KNTC1: variants seen among roughly 807,000 people sequenced by gnomAD.
The protein encoded by KNTC1 is kinetochore-associated protein 1.
KNTC1 carries 253 observed loss-of-function variants against 314.4 expected under a neutral mutation model. That is an observed-to-expected ratio of 0.80 (90% confidence interval 0.73 to 0.89). KNTC1 has a LOEUF of 0.89. Ranked by LOEUF, KNTC1 falls within the 40% of genes least tolerant of loss-of-function variation. KNTC1 has a pLI of 0.00. For missense variants in KNTC1, 2,475 were observed against 2,572.9 expected (o/e 0.96, Z 0.82); for synonymous variants, 901 against 901.4 (o/e 1.00, Z 0.01).
intron 45 of KNTC1, 79 bp downstream of exon 45, chr12:122,601,704 C>T (rs1871937168): frequency 7.9e-7 from 1 of 1,260,622 alleles, no homozygotes. Flanking sequence ...TATCCAGGGC[C>T]TTTCCAAATT....
rs1374115321 is a variant in KNTC1 at position 122,590,645 on chromosome 12, G to C, written c.4038G>C (p.Leu1346Phe). 1.2e-6 allele frequency: 2 copies of C among 1,613,164 alleles called. No homozygotes were observed. The highest frequency in any genetic ancestry group is 2.7e-5 in the African/African-American group (2 of 74,866). ...NCRLVDLDLA[L>F]GYCTLLPQKD... ...GCTTGGTAGATCTTGACCTGGCGTT[G>C]GGTTACTGCACTCTCTTACCTCAAA... is the stretch of plus-strand genomic sequence containing the variant. Residue 1346 changes from leucine (L) to phenylalanine (F), a missense_variant, in exon 41 of 64, where the codon TTG becomes TTC. Transcript: ENST00000333479.
intron 33 of KNTC1, among the ~76,000 whole-genome samples, chr12:122,581,122 A>T (rs184693169): frequency 1.8e-4 from 28 of 151,680 alleles, no homozygotes. Flanking sequence ...CTGTATTGAG[A>T]TGTAATTTAC....
At chr12:122,536,993 T>G (rs1961889941) in intron 3 of KNTC1, among the ~76,000 whole-genome samples, 1 of 152,228 alleles carries the variant, frequency 6.6e-6, no homozygotes, top group South Asian at 2.1e-4. Flanking sequence ...TCCACAAGAT[T>G]CACAGTTTCT....
intron 63 of KNTC1, among the ~76,000 whole-genome samples, chr12:122,625,443 T>C (rs1419498330): frequency 6.6e-6 from 1 of 151,762 alleles, no homozygotes; most frequent in East Asian, 1.9e-4. Context: ...GGTGGGAGCC[T>C]GTAATCCCAG....
Position 122,586,758 on chromosome 12 carries a change from G to T in KNTC1, c.3730+1G>T. 2 of 1,366,456 alleles carry T rather than the reference G, an allele frequency of 1.5e-6. No homozygotes were observed. The highest frequency in any genetic ancestry group is 2.0e-6 in the Non-Finnish European group (2 of 1,011,262). The allele number at this position is 1,366,456 out of a possible 1,614,324, so 84.6% of individuals were successfully genotyped here. A position where few individuals can be genotyped will look rare whatever the true frequency, so the allele number is the denominator to read the frequency against. ...TTGCCATACTGCTCCCTTAATGAAG[G>T]TATTTGGCACAAGAAATATATAGCA... On this transcript the variant is annotated splice_donor_variant, in intron 38 of 63. Transcript: ENST00000333479. LOFTEE classifies it high-confidence loss of function.
At chr12:122,542,341 T>C (rs1361902031) in intron 6 of KNTC1, among the ~76,000 whole-genome samples, 1 of 152,242 alleles carries the variant, frequency 6.6e-6, no homozygotes, top group Non-Finnish European at 1.5e-5. Context: ...GATATGGCCT[T>C]CAAGGAGCTT....
intron 49 of KNTC1, 115 bp from the exon 50 acceptor site, chr12:122,604,762 G>T: frequency 8.0e-7 from 1 of 1,244,476 alleles, no homozygotes. Context: ...TTATGTAGAT[G>T]CTTAGGAACA....
chr12:122,599,127 ATTTG>A (rs907686138), intron 44 of KNTC1, among the ~76,000 whole-genome samples: 6 of 150,946 alleles, frequency 4.0e-5, no homozygotes, highest in Non-Finnish European at 8.9e-5. Flanking sequence ...CTTTTGTCTG[ATTTG>A]TTTTTTAGTT....
chr12:122,619,989 T>C (rs1057351422), intron 59 of KNTC1: 1 of 151,874 alleles, frequency 6.6e-6, no homozygotes, highest in Non-Finnish European at 1.5e-5. Context: ...GCCAACGTGG[T>C]GAAACCCCGT....
intron 20 of KNTC1, among the ~76,000 whole-genome samples, chr12:122,567,694 C>T (rs1410664677): frequency 1.3e-5 from 2 of 151,860 alleles, no homozygotes; most frequent in Admixed American, 6.6e-5. Context: ...AAAAATTAGC[C>T]AGGCATGGTG....
At chr12:122,594,420 T>TAACAAACTGGTAA (rs1021931444) in intron 43 of KNTC1, 35 bp downstream of exon 43, 1 of 1,167,624 alleles carries the variant, frequency 8.6e-7, no homozygotes, top group African/African-American at 1.5e-5. Context: ...TTTTTGCTGT[T>TAACAAACTGGTAA]AACAAACTGG....
intron 31 of KNTC1, among the ~76,000 whole-genome samples, chr12:122,579,027 T>G (rs1014594167): frequency 7.7e-4 from 1 of 1,292 alleles, no homozygotes; most frequent in Non-Finnish European, 2.4e-3. Flanking sequence ...TCTGTATTCT[T>G]TTTTTTTTTT....
chr12:122,569,863 T>C (rs1964576761), intron 22 of KNTC1, 39 bp downstream of exon 22: 1 of 1,568,194 alleles, frequency 6.4e-7, no homozygotes, highest in African/African-American at 1.4e-5. Context: ...GATGACTTTA[T>C]TTCATTTTTT....
intron 48 of KNTC1, among the ~76,000 whole-genome samples, chr12:122,603,901 T>C (rs1872278412): frequency 6.6e-6 from 1 of 152,178 alleles, no homozygotes; most frequent in African/African-American, 2.4e-5. Context: ...TGAAAGTGAC[T>C]TTTTAAAAAA....
chr12:122,585,864 A>G (rs184407799), intron 37 of KNTC1, 90 bp downstream of exon 37: 24 of 1,196,660 alleles, frequency 2.0e-5, no homozygotes, highest in Admixed American at 1.8e-4. Context: ...TACACACAGT[A>G]ATGTGGGCGA....
chr12:122,622,071 T>C (rs1874499975), intron 61 of KNTC1, 101 bp downstream of exon 61: 2 of 810,698 alleles, frequency 2.5e-6, no homozygotes, highest in Non-Finnish European at 4.0e-6. Flanking sequence ...TATGTCTAGC[T>C]GTTTGTTTAT....
chr12:122,595,460 C>T (rs1870906804), intron 43 of KNTC1, among the ~76,000 whole-genome samples: 1 of 152,178 alleles, frequency 6.6e-6, no homozygotes, highest in South Asian at 2.1e-4. Flanking sequence ...GCTATAACCT[C>T]CATCTGATTT....
chr12:122,547,610 T>C, intron 11 of KNTC1, 80 bp downstream of exon 11: 1 of 925,914 alleles, frequency 1.1e-6, no homozygotes, highest in East Asian at 2.6e-5. Context: ...AGGTCATTTA[T>C]TATGTTTTAC....
At chr12:122,586,679 A>T (rs754189118) in intron 37 of KNTC1, 22 bp from the exon 38 acceptor site, 5 of 1,345,018 alleles carry the variant, frequency 3.7e-6, no homozygotes, top group Non-Finnish European at 5.0e-6. Context: ...AGTGTTGTTT[A>T]ATGTTTTATT....
Sources: gnomAD v4.1 joint callset for allele counts (sites outside exome capture counted in the v4.1 genomes callset) on GRCh38, gnomAD v4.1.1 for gene constraint, MANE v1.5 for transcripts, NCBI Gene and HGNC (gene_info 2026-07-23, HGNC 2026-07-21) for gene names.